UBE2Q1: variants seen among roughly 807,000 people sequenced by gnomAD.
The protein encoded by UBE2Q1 is ubiquitin conjugating enzyme E2 Q1, also known as ubiquitin-conjugating enzyme E2 Q1.
In UBE2Q1, 6 loss-of-function variants were observed where a neutral mutation model predicts 60.1. The observed-to-expected ratio is 0.10, with a 90% confidence interval of 0.05 to 0.20. The LOEUF (loss-of-function observed/expected upper bound fraction) is 0.20, where lower values mean the gene tolerates loss of function less well. Ranked by LOEUF, UBE2Q1 falls within the 10% of genes least tolerant of loss-of-function variation. UBE2Q1 has a pLI of 1.00. For synonymous variants in UBE2Q1, 226 were observed against 208.3 expected (o/e 1.09, Z -0.73); for missense variants, 262 against 525.8 (o/e 0.50, Z 4.91).
At position 154,550,163 on chromosome 1, in the gene UBE2Q1, C is replaced by T; in HGVS notation, c.*275G>A. 4.4e-6 allele frequency: 2 copies of T among 449,918 alleles called. No individual in the cohort carries two copies. Among genetic ancestry groups the T allele is most frequent in the Non-Finnish European group, 8.0e-6 (2 of 251,110 alleles). 27.9% of individuals were successfully genotyped at this position (449,918 alleles called of 1,614,324 possible). On this transcript the variant is annotated 3_prime_UTR_variant, in exon 13 of 13. Transcript: ENST00000292211. ...CTGAGTTTCCAGCAATATAAGGAGG[C>T]TCGAAAGTTTCTTTTATAAGAATGC...
Position 154,558,487 on chromosome 1 carries a change from C to T in UBE2Q1, c.67G>A (p.Ala23Thr). Reference sequence around the variant, plus strand: ...GGGCCGCCCCCGGCCCCCGGCGCCGCCCCCTGGCCCCCCAGCTGCTGCCCC... The same window carrying T: ...GGGCCGCCCCCGGCCCCCGGCGCCGTCCCCTGGCCCCCCAGCTGCTGCCCC... ...GPGQQLGGQG[A>T]APGAGGGPGG... The change falls in exon 1 of 13, where the codon GCG becomes ACG. Residue 23 changes from alanine (A) to threonine (T), a missense_variant. This residue lies in a region of UBE2Q1 where 70 missense variants were observed against 56.7 expected (regional missense o/e 1.24). Transcript: ENST00000292211. The T allele has an allele frequency of 2.4e-6, 3 of 1,239,420 alleles. No individual in the cohort carries two copies. Among genetic ancestry groups the T allele is most frequent in the South Asian group, 2.9e-5 (1 of 34,300 alleles). The allele number at this position is 1,239,420 out of a possible 1,614,324, so 76.8% of individuals were successfully genotyped here.
chr1:154,549,943 G>C lies in UBE2Q1; in HGVS notation c.*495C>G, dbSNP rs1695765137. On this transcript the variant is annotated 3_prime_UTR_variant, in exon 13 of 13. Coordinates refer to ENST00000292211, the MANE Select transcript of UBE2Q1 (RefSeq NM_017582.7). The stretch of plus-strand genomic sequence containing the variant: ...CCAAGTAGTTCAGGGGATGGGGTGG[G>C]ATGTGCGAATAAAAATAAAGATGAG... 6.5e-6 allele frequency: 1 copy of C among 153,074 alleles called. No homozygotes were observed. The highest frequency in any genetic ancestry group is 6.5e-5 in the Admixed American group (1 of 15,332). The allele number at this position is 153,074 out of a possible 1,614,324, so 9.5% of individuals were successfully genotyped here. A position where few individuals can be genotyped will look rare whatever the true frequency, so the allele number is the denominator to read the frequency against.
chr1:154,557,995 G>T (rs1695921857), intron 1 of UBE2Q1, among the ~76,000 whole-genome samples: 1 of 152,036 alleles, frequency 6.6e-6, no homozygotes, highest in Non-Finnish European at 1.5e-5. Flanking sequence ...GTGGAAACGG[G>T]TAGTCTAGGC....
At chr1:154,551,865 T>A in intron 9 of UBE2Q1, 46 bp from the exon 10 acceptor site, 1 of 1,614,042 alleles carries the variant, frequency 6.2e-7, no homozygotes. Flanking sequence ...AATCTCCAAG[T>A]CTCTTCCCCG....
In UBE2Q1 at chr1:154,555,962, C is replaced by T; in HGVS notation, c.330G>A (p.Glu110=). 2 of 1,613,900 alleles carry T rather than the reference C, an allele frequency of 1.2e-6. No homozygotes were observed. The highest frequency in any genetic ancestry group is 1.7e-6 in the Non-Finnish European group (2 of 1,179,912). Residue 110 remains glutamate (E), a splice_region_variant and synonymous_variant, in exon 2 of 13, where the codon GAG becomes GAA. Coordinates refer to ENST00000292211, the MANE Select transcript of UBE2Q1 (RefSeq NM_017582.7). ...DPVRIHCNIT[E]SYPAVPPIWS... ...AGATGGGGGGCACAGCAGGGTATGA[C>T]TCCTGAAGGGAAAAGAGCAATAAGA...
Position 154,549,070 on chromosome 1 carries a change from G to C in UBE2Q1, c.*1368C>G, listed in dbSNP as rs1323491858. The C allele has an allele frequency of 6.6e-6, 1 of 152,238 alleles. No homozygotes were observed. The highest frequency in any genetic ancestry group is 1.5e-5 in the Non-Finnish European group (1 of 68,040). The allele number at this position is 152,238 out of a possible 1,614,324, so 9.4% of individuals were successfully genotyped here. ...CTTCACTTGGCCATCTTTGGCCTCT[G>C]TCATTTCACTGTTAATGAGAGCTGC... On this transcript the variant is annotated 3_prime_UTR_variant, in exon 13 of 13. Coordinates refer to ENST00000292211, the MANE Select transcript of UBE2Q1 (RefSeq NM_017582.7).
At position 154,550,834 on chromosome 1, in the gene UBE2Q1, TTGAG is replaced by T. The variant is rs1375483853; in HGVS notation, c.1237+100_1237+103del. 3.1e-6 allele frequency: 5 copies of T among 1,597,962 alleles called. No homozygotes were observed. The Admixed American group carries it at 5.1e-5, about 16-fold the overall frequency. ...GGGCAGGTGCTGTGTTAATGGGTGGTTGAGTATCAGAAACCAAAAGAAGGGGTTC... is the reference window on the plus strand; with the variant it reads ...GGGCAGGTGCTGTGTTAATGGGTGGTTATCAGAAACCAAAAGAAGGGGTTC... On this transcript the variant is annotated intron_variant, in intron 12 of 12. Coordinates refer to ENST00000292211, the MANE Select transcript of UBE2Q1 (RefSeq NM_017582.7).
chr1:154,552,434 C>T lies in UBE2Q1; in HGVS notation c.845G>A (p.Ser282Asn), dbSNP rs1695806456. 1 of 1,614,124 alleles carries T rather than the reference C, an allele frequency of 6.2e-7. No individual in the cohort carries two copies. The highest frequency in any genetic ancestry group is 1.3e-5 in the African/African-American group (1 of 74,934). Residue 282 changes from serine to asparagine, a missense_variant, in exon 7 of 13, where the codon AGT (serine) becomes AAT (asparagine). Around this residue, in one of 5 missense-constraint regions of UBE2Q1, gnomAD observed 111 missense variants for 266.8 expected, o/e 0.42. Coordinates refer to ENST00000292211, the MANE Select transcript of UBE2Q1 (RefSeq NM_017582.7). The part of the protein sequence containing the change: ...GNYAVELVND[S>N]LYDWNVKLLK... ...GAGTTTGACATTCCAATCATACAGA[C>T]TGTCATTCACGAGTTCGACTGCATA...
Position 154,551,759 on chromosome 1 carries a change from A to G in UBE2Q1, c.1074+12T>C. The G allele has an allele frequency of 6.2e-7, 1 of 1,614,160 alleles. No individual in the cohort carries two copies. The highest frequency in any genetic ancestry group is 1.7e-5 in the Admixed American group (1 of 60,028). ...CCAGGCCGGCCTGGCCAAGGAGGAG[A>G]GACAGGCTCACCTGTTTGGTGAGAA... On this transcript the variant is annotated intron_variant, in intron 10 of 12. Coordinates refer to ENST00000292211, the MANE Select transcript of UBE2Q1 (RefSeq NM_017582.7).
chr1:154,551,286 G>T (rs781751633), intron 11 of UBE2Q1, 111 bp downstream of exon 11: 43 of 1,179,464 alleles, frequency 3.6e-5, no homozygotes, highest in Non-Finnish European at 5.1e-5. Flanking sequence ...AATGCCACCA[G>T]CCCGGGGGCC....
At position 154,550,165 on chromosome 1, in the gene UBE2Q1, CG is replaced by C; in HGVS notation, c.*272del. The C allele has an allele frequency of 2.2e-6, 1 of 456,342 alleles. No homozygotes were observed. The highest frequency in any genetic ancestry group is 3.9e-6 in the Non-Finnish European group (1 of 255,098). The allele number at this position is 456,342 out of a possible 1,614,324, so 28.3% of individuals were successfully genotyped here. A position where few individuals can be genotyped will look rare whatever the true frequency, so the allele number is the denominator to read the frequency against. On this transcript the variant is annotated 3_prime_UTR_variant, in exon 13 of 13. Transcript: ENST00000292211. Reference sequence around the variant, plus strand: ...GAGTTTCCAGCAATATAAGGAGGCTCGAAAGTTTCTTTTATAAGAATGCCTG... The same window carrying C: ...GAGTTTCCAGCAATATAAGGAGGCTCAAAGTTTCTTTTATAAGAATGCCTG...
At position 154,554,716 on chromosome 1, in the gene UBE2Q1, C is replaced by T. The variant is rs547898442; in HGVS notation, c.588+19G>A. ...CTGCAAGAGCTTCCAGCCAATGCCA[C>T]CTCAGGGGGCAAGCCTACCTCAGGC... On this transcript the variant is annotated intron_variant, in intron 4 of 12. Transcript: ENST00000292211. The T allele has an allele frequency of 6.2e-7, 1 of 1,612,918 alleles. No homozygotes were observed. The highest frequency in any genetic ancestry group is 1.1e-5 in the South Asian group (1 of 90,986).
At chr1:154,552,861 G>GTA (rs757161564) in intron 5 of UBE2Q1, 41 bp from the exon 6 acceptor site, 1 of 1,610,734 alleles carries the variant, frequency 6.2e-7, no homozygotes, top group South Asian at 1.1e-5. Context: ...TGGTCGTGTG[G>GTA]TTTATAAACA....
At chr1:154,552,666 T>C (rs1695812993) in intron 6 of UBE2Q1, 70 bp downstream of exon 6, 1 of 1,561,034 alleles carries the variant, frequency 6.4e-7, no homozygotes, top group Non-Finnish European at 8.7e-7. Flanking sequence ...CAGAACCTCT[T>C]GGGCCCCTTG....
At position 154,548,833 on chromosome 1, in the gene UBE2Q1, T is replaced by C. The variant is rs1449407275; in HGVS notation, c.*1605A>G. On this transcript the variant is annotated 3_prime_UTR_variant, in exon 13 of 13. Transcript: ENST00000292211. ...TTATTAGCACCCCTAATTAGGTGGG[T>C]GTGGGTAGAGTTAGAGCAGCATTGA... 6.6e-6 allele frequency: 1 copy of C among 152,528 alleles called. No individual in the cohort carries two copies. Among genetic ancestry groups the C allele is most frequent in the Non-Finnish European group, 1.5e-5 (1 of 68,028 alleles). The allele number at this position is 152,528 out of a possible 1,614,324, so 9.4% of individuals were successfully genotyped here.
chr1:154,557,679 G>T (rs1013955843), intron 1 of UBE2Q1, among the ~76,000 whole-genome samples: 4 of 152,170 alleles, frequency 2.6e-5, no homozygotes, highest in African/African-American at 9.7e-5. Context: ...GAAGGAAGAG[G>T]AGTCAATGAA....
chr1:154,558,129 T>A, intron 1 of UBE2Q1, 98 bp downstream of exon 1: 1 of 1,010,262 alleles, frequency 9.9e-7, no homozygotes, highest in Non-Finnish European at 1.4e-6. Flanking sequence ...GAGAGGGGCT[T>A]CGGCCTCCCA....
In UBE2Q1 at chr1:154,555,418, A is replaced by G; in HGVS notation, c.537+10T>C. On this transcript the variant is annotated intron_variant, in intron 3 of 12. Coordinates refer to ENST00000292211, the MANE Select transcript of UBE2Q1 (RefSeq NM_017582.7). ...TGCACAACAGGGCCCGAGGCTCCTC[A>G]GCTGCTCACCTGCTCTGCTGGCAAG... 6.2e-7 allele frequency: 1 copy of G among 1,613,442 alleles called. No individual in the cohort carries two copies.
chr1:154,550,080 A>C lies in UBE2Q1; in HGVS notation c.*358T>G, dbSNP rs1156742858. 5 of 229,256 alleles carry C rather than the reference A, an allele frequency of 2.2e-5. No individual in the cohort carries two copies. The highest frequency in any genetic ancestry group is 4.2e-5 in the Non-Finnish European group (5 of 118,000). The allele number at this position is 229,256 out of a possible 1,614,324, so 14.2% of individuals were successfully genotyped here. A position where few individuals can be genotyped will look rare whatever the true frequency, so the allele number is the denominator to read the frequency against. On this transcript the variant is annotated 3_prime_UTR_variant, in exon 13 of 13. Transcript: ENST00000292211. ...CAAAAAAAGCAGTGTACATGAAATA[A>C]GAGAAAATAAATTAAAAATCCATAG...
Sources: allele counts gnomAD v4.1 joint callset (sites outside exome capture counted in the v4.1 genomes callset), GRCh38; gene constraint gnomAD v4.1.1; regional missense constraint gnomAD v4.1.1; transcripts MANE v1.5; gene names NCBI Gene and HGNC (gene_info 2026-07-23, HGNC 2026-07-21).